The following ENO2 variants were observed in gnomAD, a reference collection of about 807,000 sequenced individuals.
The protein encoded by ENO2 is enolase 2.
ENO2 carries 19 observed loss-of-function variants against 48.7 expected under a neutral mutation model. The observed-to-expected ratio is 0.39, with a 90% CI of 0.27 to 0.57. ENO2 has a LOEUF of 0.57. Among genes scored for constraint, ENO2 ranks in the 20% least tolerant of loss-of-function variants. ENO2 has a pLI of 0.58. For synonymous variants in ENO2, 198 were observed against 213.4 expected (o/e 0.93, Z 0.63); for missense variants, 416 against 555.0 (o/e 0.75, Z 2.52).
In ENO2 at chr12:6,916,003, G is replaced by C. The variant is rs1458899548; in HGVS notation, c.85+86G>C. Reference sequence around the variant, plus strand: ...GGCCAGGGGTTCGGAGGCCTTTTTTGATACCCAGGGGTATGGGGTGCTGGG... The same window carrying C: ...GGCCAGGGGTTCGGAGGCCTTTTTTCATACCCAGGGGTATGGGGTGCTGGG... On this transcript the variant is annotated intron_variant, in intron 2 of 11. Transcript: ENST00000229277. The surrounding 1 kb of genome is among the most constrained non-coding windows in gnomAD (Gnocchi z 4.5). The C allele has an allele frequency of 1.1e-5, 16 of 1,411,860 alleles. No homozygotes were observed. Among genetic ancestry groups the C allele is most frequent in the Non-Finnish European group, 1.5e-5 (15 of 1,002,006 alleles). 87.5% of individuals were successfully genotyped at this position (1,411,860 alleles called of 1,614,324 possible). A position where few individuals can be genotyped will look rare whatever the true frequency, so the allele number is the denominator to read the frequency against.
chr12:6,916,755 A>G lies in ENO2; in HGVS notation c.240+26A>G. On this transcript the variant is annotated intron_variant, in intron 4 of 11. Coordinates refer to ENST00000229277, the MANE Select transcript of ENO2 (RefSeq NM_001975.3). This position sits in a 1 kb window ranked among gnomAD's most constrained non-coding sequence, Gnocchi z 4.5. Reference sequence around the variant, plus strand: ...GTGAGGCCTGCTCTTTGCTGGGGATAGCAGGGCCAGAGTTCTGGAAGGAAT... The same window carrying G: ...GTGAGGCCTGCTCTTTGCTGGGGATGGCAGGGCCAGAGTTCTGGAAGGAAT... 6.2e-7 allele frequency: 1 copy of G among 1,613,842 alleles called. No individual in the cohort carries two copies. The highest frequency in any genetic ancestry group is 2.2e-5 in the East Asian group (1 of 44,884).
rs781891397 is a variant in ENO2 at position 6,921,550 on chromosome 12, C to T, written c.866-31C>T. 7 of 1,608,114 alleles carry T rather than the reference C, an allele frequency of 4.4e-6. No individual in the cohort carries two copies. In the Admixed American group the frequency reaches 6.7e-5, roughly 15 times the overall value. ...GTAGAGACCCAGGGAAGATGAACAC[C>T]TCCCCCCTCCCCACCATGCTCTCTC... is the stretch of plus-strand genomic sequence containing the variant. On this transcript the variant is annotated intron_variant, in intron 8 of 11. Coordinates refer to ENST00000229277, the MANE Select transcript of ENO2 (RefSeq NM_001975.3).
intron 5 of ENO2, 75 bp from the exon 6 acceptor site, chr12:6,917,506 A>T: frequency 6.5e-7 from 1 of 1,545,210 alleles, no homozygotes; most frequent in East Asian, 2.3e-5. Flanking sequence ...CTCCTTTTGG[A>T]GACTACAGAT....
At chr12:6,921,123 G>T (rs1945337074) in intron 8 of ENO2, among the ~76,000 whole-genome samples, 1 of 152,184 alleles carries the variant, frequency 6.6e-6, no homozygotes, top group South Asian at 2.1e-4. Context: ...AGCCAGGCGT[G>T]GTGGCTCATG....
chr12:6,922,623 C>T lies in ENO2; in HGVS notation c.1236-108C>T. ...GGGAATGCTAAGCCTTGGGGCAGGACACAAAAGCAGGTGGTGTGGGGGTGG... is the reference window on the plus strand; with the variant it reads ...GGGAATGCTAAGCCTTGGGGCAGGATACAAAAGCAGGTGGTGTGGGGGTGG... On this transcript the variant is annotated intron_variant, in intron 11 of 11. Coordinates refer to ENST00000229277, the MANE Select transcript of ENO2 (RefSeq NM_001975.3). This position sits in a 1 kb window ranked among gnomAD's most constrained non-coding sequence, Gnocchi z 5.3. 7.2e-7 allele frequency: 1 copy of T among 1,398,382 alleles called. No homozygotes were observed. Among genetic ancestry groups the T allele is most frequent in the Non-Finnish European group, 1.0e-6 (1 of 990,668 alleles). The allele number at this position is 1,398,382 out of a possible 1,614,324, so 86.6% of individuals were successfully genotyped here. A position where few individuals can be genotyped will look rare whatever the true frequency, so the allele number is the denominator to read the frequency against.
intron 8 of ENO2, among the ~76,000 whole-genome samples, chr12:6,920,826 G>T (rs1021515318): frequency 1.4e-5 from 2 of 147,460 alleles, no homozygotes; most frequent in Non-Finnish European, 1.5e-5. Flanking sequence ...CTCCCAAAGT[G>T]CTGGGATTAC....
At position 6,922,665 on chromosome 12, in the gene ENO2, C is replaced by A; in HGVS notation, c.1236-66C>A. 1 of 1,590,814 alleles carries A rather than the reference C, an allele frequency of 6.3e-7. No individual in the cohort carries two copies. The highest frequency in any genetic ancestry group is 1.7e-5 in the Admixed American group (1 of 59,928). On this transcript the variant is annotated intron_variant, in intron 11 of 11. Transcript: ENST00000229277. This position sits in a 1 kb window ranked among gnomAD's most constrained non-coding sequence, Gnocchi z 5.3. ...TGGGGGTGGTTGGAGTCTGGGGGAC[C>A]CCTAGAGAGAGAAGCAGGATCCTCC...
Position 6,922,248 on chromosome 12 carries a change from T to A in ENO2, c.1176+84T>A. The A allele has an allele frequency of 6.2e-7, 1 of 1,606,488 alleles. No individual in the cohort carries two copies. The highest frequency in any genetic ancestry group is 2.2e-5 in the East Asian group (1 of 44,826). ...CACCCACCTGGTCTCTCCTTCCAGG[T>A]GTTTGAGGGTGTCAGGGGAGTTTCA... On this transcript the variant is annotated intron_variant, in intron 10 of 11. Coordinates refer to ENST00000229277, the MANE Select transcript of ENO2 (RefSeq NM_001975.3). The surrounding 1 kb of genome is among the most constrained non-coding windows in gnomAD (Gnocchi z 5.3).
At position 6,922,298 on chromosome 12, in the gene ENO2, G is replaced by T. The variant is rs371498113; in HGVS notation, c.1177-46G>T. The T allele has an allele frequency of 6.8e-6, 11 of 1,613,684 alleles. No individual in the cohort carries two copies. The highest frequency in any genetic ancestry group is 9.3e-6 in the Non-Finnish European group (11 of 1,179,600). ...AGGAGAGCAGAAGTTTCCTTTCAGG[G>T]GTGAGAGGGCAGTCACTGAGCTGCA... is the stretch of plus-strand genomic sequence containing the variant. On this transcript the variant is annotated intron_variant, in intron 10 of 11. Transcript: ENST00000229277. This position sits in a 1 kb window ranked among gnomAD's most constrained non-coding sequence, Gnocchi z 5.3.
At chr12:6,921,980 ACATAGAC>A (rs1228560245) in intron 9 of ENO2, 69 bp from the exon 10 acceptor site, 8 of 1,592,614 alleles carry the variant, frequency 5.0e-6, no homozygotes, top group Non-Finnish European at 6.9e-6. Context: ...ATGTTTCCTG[ACATAGAC>A]CAAGGTTGGG....
chr12:6,917,050 G>A lies in ENO2; in HGVS notation c.253G>A (p.Val85Met), dbSNP rs781851933. 1 of 1,614,070 alleles carries A rather than the reference G, an allele frequency of 6.2e-7. No homozygotes were observed. The highest frequency in any genetic ancestry group is 1.7e-5 in the Admixed American group (1 of 60,008). ...PALISSGLSV[V>M]EQEKLDNLML... is the part of the protein sequence containing the mutation. ...GCTCTGCCCTCAGGGTCTCTCTGTG[G>A]TGGAGCAAGAGAAACTGGACAACCT... Residue 85 changes from valine to methionine, a missense_variant, in exon 5 of 12, where the codon GTG (valine) becomes ATG (methionine). Coordinates refer to ENST00000229277, the MANE Select transcript of ENO2 (RefSeq NM_001975.3).
rs1555142323 is a variant in ENO2, at chr12:6,923,665, A to G, written c.*865A>G. 1 of 152,270 alleles carries G rather than the reference A, an allele frequency of 6.6e-6. No homozygotes were observed. Among genetic ancestry groups the G allele is most frequent in the African/African-American group, 2.4e-5 (1 of 41,428 alleles). 9.4% of individuals were successfully genotyped at this position (152,270 alleles called of 1,614,324 possible). On this transcript the variant is annotated 3_prime_UTR_variant, in exon 12 of 12. Transcript: ENST00000229277. ...TTGCCACCACCTCTGTGGCATTGAA[A>G]TGAGCACCTCCATTAAAGTCTGAAT...
rs781932453 is a variant in ENO2, at chr12:6,918,409, G to A, written c.667+247G>A. Among the ~76,000 whole-genome samples, 4 of 150,860 alleles carry A rather than the reference G, an allele frequency of 2.7e-5. No individual in the cohort carries two copies. In the East Asian group the frequency reaches 8.0e-4, roughly 30 times the overall value. On this transcript the variant is annotated intron_variant, in intron 7 of 11. Coordinates refer to ENST00000229277, the MANE Select transcript of ENO2 (RefSeq NM_001975.3). The stretch of plus-strand genomic sequence containing the variant: ...TCTGTCACCCAGGCTGGAGTGCAGT[G>A]GCTCGATCTCAGCTCACTGCAAGCT...
Position 6,916,971 on chromosome 12 carries a change from G to A in ENO2, c.241-67G>A. 1 of 1,603,836 alleles carries A rather than the reference G, an allele frequency of 6.2e-7. No homozygotes were observed. Among genetic ancestry groups the A allele is most frequent in the East Asian group, 2.2e-5 (1 of 44,840 alleles). On this transcript the variant is annotated intron_variant, in intron 4 of 11. Transcript: ENST00000229277. The surrounding 1 kb of genome is among the most constrained non-coding windows in gnomAD (Gnocchi z 4.5). ...GCCAAATGTGAGCTTGGGTGTGAAT[G>A]AGGGGACCCTCTGCCTTAGGGCTCA...
rs372269674 is a variant in ENO2, at chr12:6,922,811, T to C, written c.*11T>C. On this transcript the variant is annotated 3_prime_UTR_variant, in exon 12 of 12. Transcript: ENST00000229277. The surrounding 1 kb of genome is among the most constrained non-coding windows in gnomAD (Gnocchi z 5.3). ...CCCAGTGTGCTGTGATTCCTCTGCT[T>C]GCCTGGAGACGTGGAACCTCTGTCT... 1,379 of 1,613,954 alleles carry C rather than the reference T, an allele frequency of 8.5e-4. 21 individuals are homozygous for C. The South Asian group carries it at 9.5e-3, about 11-fold the overall frequency.
intron 9 of ENO2, 110 bp downstream of exon 9, chr12:6,921,892 G>C: frequency 2.0e-6 from 3 of 1,512,620 alleles, no homozygotes; most frequent in South Asian, 1.2e-5. Context: ...GGGGAACCTG[G>C]AATCATCCTC....
Position 6,916,147 on chromosome 12 carries a change from T to C in ENO2, c.85+230T>C, listed in dbSNP as rs1945289844. ...TGTCCTGCCTCCGTGTGTCTGCCTG[T>C]GCACTTGCATGTGTGCAGACGTGTG... On this transcript the variant is annotated intron_variant, in intron 2 of 11. Coordinates refer to ENST00000229277, the MANE Select transcript of ENO2 (RefSeq NM_001975.3). This position sits in a 1 kb window ranked among gnomAD's most constrained non-coding sequence, Gnocchi z 4.5. 6.6e-6 allele frequency among the ~76,000 whole-genome samples: 1 copy of C among 152,130 alleles called. No individual in the cohort carries two copies. Among genetic ancestry groups the C allele is most frequent in the South Asian group, 2.1e-4 (1 of 4,828 alleles).
intron 6 of ENO2, 106 bp from the exon 7 acceptor site, chr12:6,917,834 G>A: frequency 1.3e-6 from 2 of 1,583,542 alleles, no homozygotes; most frequent in Non-Finnish European, 1.7e-6. Flanking sequence ...ATGGGGACGT[G>A]AGACTTAGTC....
At position 6,922,530 on chromosome 12, in the gene ENO2, T is replaced by C. The variant is rs1428978129; in HGVS notation, c.1235+128T>C. On this transcript the variant is annotated intron_variant, in intron 11 of 11. Coordinates refer to ENST00000229277, the MANE Select transcript of ENO2 (RefSeq NM_001975.3). This position sits in a 1 kb window ranked among gnomAD's most constrained non-coding sequence, Gnocchi z 5.3. ...CTGGATAACAGTCCAACAGATAATA[T>C]TGGTTTTTGCTTCCTGGGTTTATTG... 3.6e-6 allele frequency: 5 copies of C among 1,376,814 alleles called. No individual in the cohort carries two copies. Among genetic ancestry groups the C allele is most frequent in the Admixed American group, 1.8e-5 (1 of 55,990 alleles). The allele number at this position is 1,376,814 out of a possible 1,614,324, so 85.3% of individuals were successfully genotyped here.
Sources: gnomAD v4.1 joint callset for allele counts (sites outside exome capture counted in the v4.1 genomes callset) on GRCh38, gnomAD v4.1.1 for gene constraint, Gnocchi (gnomAD v3.1) non-coding constraint, MANE v1.5 for transcripts, NCBI Gene and HGNC (gene_info 2026-07-23, HGNC 2026-07-21) for gene names.